CASTOR2: variants seen among roughly 807,000 people sequenced by gnomAD.
CASTOR2 encodes the protein GATS protein like 2.
A neutral mutation model predicts 31.2 loss-of-function variants in CASTOR2; 8 were observed. The observed-to-expected ratio is 0.26, with a 90% CI of 0.15 to 0.46. The LOEUF is 0.46. Among genes scored for constraint, CASTOR2 ranks in the 20% least tolerant of loss-of-function variants. The pLI is 0.99. For synonymous variants in CASTOR2, 162 were observed against 158.7 expected (o/e 1.02, Z -0.16); for missense variants, 216 against 382.1 (o/e 0.57, Z 3.62).
rs1344432657 is a variant in CASTOR2, at chr7:75,001,373, C to T, written c.114-6621C>T. Among the ~76,000 whole-genome samples, 101 of 152,274 alleles carry T rather than the reference C, an allele frequency of 6.6e-4. No homozygotes were observed. In the Middle Eastern group the frequency reaches 0.01, roughly 15 times the overall value. On this transcript the variant is annotated intron_variant, in intron 1 of 8. Transcript: ENST00000616305. ...GATTACAGATGTGAGCCACTGCGCCCGGCCTCCCACCTGGAGTTTTTTAAC... is the reference window on the plus strand; with the variant it reads ...GATTACAGATGTGAGCCACTGCGCCTGGCCTCCCACCTGGAGTTTTTTAAC...
chr7:74,992,986 G>A (rs1174835732), intron 1 of CASTOR2, among the ~76,000 whole-genome samples: 1 of 152,072 alleles, frequency 6.6e-6, no homozygotes, highest in Non-Finnish European at 1.5e-5. Flanking sequence ...GGATCATGAG[G>A]TCAAGAGATC....
chr7:74,992,660 G>A (rs1355891075), intron 1 of CASTOR2, among the ~76,000 whole-genome samples: 2 of 152,030 alleles, frequency 1.3e-5, no homozygotes, highest in African/African-American at 2.4e-5. Context: ...GGCTAGTCTC[G>A]AACTCCTGAC....
chr7:75,023,702 A>C (rs1244880390), intron 7 of CASTOR2, among the ~76,000 whole-genome samples: 1 of 151,936 alleles, frequency 6.6e-6, no homozygotes, highest in East Asian at 2.0e-4. Context: ...GGCCTCCCAA[A>C]GTGCTGGGAT....
Position 75,006,644 on chromosome 7 carries a change from A to G in CASTOR2, c.114-1350A>G, listed in dbSNP as rs1370704737. Among the ~76,000 whole-genome samples, 439 of 152,024 alleles carry G rather than the reference A, an allele frequency of 2.9e-3. 1 individual carries two copies. The highest frequency in any genetic ancestry group is 0.01 in the African/African-American group (423 of 41,470). On this transcript the variant is annotated intron_variant, in intron 1 of 8. Coordinates refer to ENST00000616305, the MANE Select transcript of CASTOR2 (RefSeq NM_001145064.3). ...CTCACCTTGAATTGTAATAATCCCC[A>G]CGTGTCAAGGGTGGGGGCAGGTGGA...
chr7:75,016,759 G>A (rs1253568976), intron 2 of CASTOR2, among the ~76,000 whole-genome samples: 1 of 152,230 alleles, frequency 6.6e-6, no homozygotes, highest in Non-Finnish European at 1.5e-5. Flanking sequence ...GCTCGGTGCA[G>A]ATCAACCACT....
At chr7:75,020,298 A>G in intron 6 of CASTOR2, 149 bp downstream of exon 6, 2 of 785,492 alleles carry the variant, frequency 2.5e-6, no homozygotes, top group Non-Finnish European at 4.2e-6. Flanking sequence ...GCTGGGGTGC[A>G]GTGGTGCGAT....
At chr7:75,018,914 A>T in intron 4 of CASTOR2, 58 bp from the exon 5 acceptor site, 1 of 1,551,598 alleles carries the variant, frequency 6.4e-7, no homozygotes, top group Non-Finnish European at 8.7e-7. Context: ...CCCTGCACCC[A>T]CCAGAGCTGC....
intron 1 of CASTOR2, among the ~76,000 whole-genome samples, chr7:74,973,060 C>T (rs1803715616): frequency 6.7e-6 from 1 of 149,680 alleles, no homozygotes; most frequent in Non-Finnish European, 1.5e-5. Context: ...CCTCGCAACA[C>T]ATTGGGCTGA....
chr7:74,988,833 G>A (rs1554437007), intron 1 of CASTOR2, among the ~76,000 whole-genome samples: 2 of 149,320 alleles, frequency 1.3e-5, no homozygotes, highest in African/African-American at 5.0e-5. Context: ...ATACCTGGCA[G>A]CCTGCGATCT....
At chr7:75,006,705 G>C (rs1240553672) in intron 1 of CASTOR2, among the ~76,000 whole-genome samples, 1 of 152,106 alleles carries the variant, frequency 6.6e-6, no homozygotes, top group Admixed American at 6.6e-5. Flanking sequence ...CCCTCATACT[G>C]TTCTCCTGGC....
intron 1 of CASTOR2, among the ~76,000 whole-genome samples, chr7:74,990,382 CA>C (rs1229476692): frequency 7.1e-5 from 10 of 140,360 alleles, no homozygotes; most frequent in African/African-American, 8.2e-5. Context: ...GACTCTATCT[CA>C]AAAAAAAAAA....
At chr7:75,009,262 CTTTTTTTTTT>C (rs1161937896) in intron 2 of CASTOR2, among the ~76,000 whole-genome samples, 2 of 60,296 alleles carry the variant, frequency 3.3e-5, no homozygotes, top group Non-Finnish European at 2.7e-5. Flanking sequence ...GGCCTGAGAA[CTTTTTTTTTT>C]TTTTTTTTTT....
chr7:75,012,196 G>A (rs1376696583), intron 2 of CASTOR2, among the ~76,000 whole-genome samples: 1 of 152,112 alleles, frequency 6.6e-6, no homozygotes, highest in African/African-American at 2.4e-5. Context: ...GACTCTCAGG[G>A]GGCTGTGGCA....
chr7:74,987,489 T>C (rs1258704682), intron 1 of CASTOR2, among the ~76,000 whole-genome samples: 1 of 151,708 alleles, frequency 6.6e-6, no homozygotes, highest in Non-Finnish European at 1.5e-5. Flanking sequence ...CACACATCTG[T>C]TGGGAGGGCA....
At chr7:75,024,409 C>G in intron 7 of CASTOR2, 31 bp from the exon 8 acceptor site, 9 of 1,550,354 alleles carry the variant, frequency 5.8e-6, no homozygotes, top group Non-Finnish European at 7.9e-6. Context: ...CCAGGTTACA[C>G]AGAGGCTAAG....
chr7:75,021,488 CAG>C (rs1178924575), intron 6 of CASTOR2, among the ~76,000 whole-genome samples: 6 of 152,184 alleles, frequency 3.9e-5, no homozygotes, highest in African/African-American at 1.4e-4. Flanking sequence ...TCCCCCAGCT[CAG>C]AGAGGTGCAG....
chr7:75,007,783 G>A, intron 1 of CASTOR2: 1 of 681,706 alleles, frequency 1.5e-6, no homozygotes, highest in Non-Finnish European at 2.6e-6. Flanking sequence ...GGGGTATAGT[G>A]GGGACAATCA....
rs1250848955 is a variant in CASTOR2 at position 75,025,514 on chromosome 7, G to T, written c.*815G>T. On this transcript the variant is annotated 3_prime_UTR_variant, in exon 9 of 9. Coordinates refer to ENST00000616305, the MANE Select transcript of CASTOR2 (RefSeq NM_001145064.3). ...TAGAGCCTCAGCTTCCCCCAGTAGG[G>T]ACATCCCTGGCTTTCCAGGCCTGAG... Among the ~76,000 whole-genome samples, 1 of 152,194 alleles carries T rather than the reference G, an allele frequency of 6.6e-6. No homozygotes were observed. Among genetic ancestry groups the T allele is most frequent in the Admixed American group, 6.5e-5 (1 of 15,280 alleles).
intron 1 of CASTOR2, among the ~76,000 whole-genome samples, chr7:74,973,062 T>C (rs1234219624): frequency 1.3e-5 from 2 of 149,576 alleles, no homozygotes; most frequent in Non-Finnish European, 1.5e-5. Context: ...TCGCAACACA[T>C]TGGGCTGAGG....
Sources: allele counts gnomAD v4.1 joint callset (sites outside exome capture counted in the v4.1 genomes callset), GRCh38; gene constraint gnomAD v4.1.1; transcripts MANE v1.5; gene names NCBI Gene and HGNC (gene_info 2026-07-23, HGNC 2026-07-21).